The following RGS10 variants were observed in gnomAD, a reference collection of about 807,000 sequenced individuals.
RGS10 encodes regulator of G protein signaling 10.
Under a neutral mutation model 23.5 loss-of-function variants are expected in RGS10, and 11 were observed. The observed-to-expected ratio is 0.47, with a 90% CI of 0.29 to 0.77. The LOEUF (loss-of-function observed/expected upper bound fraction) is 0.77. RGS10 is among the 30% of genes least tolerant of loss of function. RGS10 has a pLI of 0.08. For synonymous variants in RGS10, 77 were observed against 83.2 expected (o/e 0.92, Z 0.41); for missense variants, 180 against 226.3 (o/e 0.80, Z 1.31).
In RGS10 at chr10:119,542,683, G is replaced by T. The variant is rs1214491415; in HGVS notation, c.-45C>A. ...GGAAGAAGGAGCAGCCCGGCGGCGC[G>T]GCGGCTGAGCCGGAGGAAGGCGAGG... On this transcript the variant is annotated 5_prime_UTR_variant, in exon 1 of 5. Coordinates refer to ENST00000369103, the MANE Select transcript of RGS10 (RefSeq NM_001005339.2). 9.0e-6 allele frequency: 12 copies of T among 1,331,904 alleles called. No individual in the cohort carries two copies. The allele number at this position is 1,331,904 out of a possible 1,614,324, so 82.5% of individuals were successfully genotyped here.
intron 1 of RGS10, among the ~76,000 whole-genome samples, chr10:119,529,671 A>G (rs578143009): frequency 3.3e-5 from 5 of 152,194 alleles, no homozygotes; most frequent in Non-Finnish European, 7.3e-5. Context: ...TCTCTAAAAT[A>G]ACCATCTATC....
chr10:119,518,744 G>A (rs1482587212), intron 3 of RGS10, among the ~76,000 whole-genome samples: 4 of 149,866 alleles, frequency 2.7e-5, no homozygotes, highest in African/African-American at 9.9e-5. Context: ...TCTCACTGTC[G>A]CCCAGGCTGG....
chr10:119,508,461 T>A (rs1232847435), intron 4 of RGS10, among the ~76,000 whole-genome samples: 2 of 152,246 alleles, frequency 1.3e-5, no homozygotes, highest in Non-Finnish European at 2.9e-5. Flanking sequence ...ATCAAGCTCA[T>A]GGCTGTTCCA....
At chr10:119,529,174 C>T (rs1030053199) in intron 1 of RGS10, among the ~76,000 whole-genome samples, 5 of 152,022 alleles carry the variant, frequency 3.3e-5, no homozygotes, top group Non-Finnish European at 5.9e-5. Context: ...AGTTTCTGGC[C>T]GGGCACGGTG....
intron 3 of RGS10, among the ~76,000 whole-genome samples, chr10:119,521,171 C>T (rs12219214): frequency 0.27 from 41,513 of 151,532 alleles, 5,783 homozygotes; most frequent in Middle Eastern, 0.34. Flanking sequence ...CCAGCCTAAG[C>T]AACATGGTGA....
At position 119,517,223 on chromosome 10, in the gene RGS10, T is replaced by G. The variant is rs144556792; in HGVS notation, c.256-1571A>C. Among the ~76,000 whole-genome samples the G allele has an allele frequency of 2.4e-3, 366 of 152,372 alleles. 2 individuals are homozygous for G. The highest frequency in any genetic ancestry group is 8.4e-3 in the African/African-American group (349 of 41,586). On this transcript the variant is annotated intron_variant, in intron 3 of 4. Transcript: ENST00000369103. This position sits in a 1 kb window ranked among gnomAD's most constrained non-coding sequence, Gnocchi z 5.0. ...CAAAAGATCCTGAGAAGCCACGGCC[T>G]GGCCATGTCCTGTTCTGCGAGAAAG...
intron 4 of RGS10, among the ~76,000 whole-genome samples, chr10:119,511,492 G>A (rs1227657642): frequency 6.6e-6 from 1 of 152,062 alleles, no homozygotes; most frequent in East Asian, 1.9e-4. Flanking sequence ...GGTGACATAC[G>A]CCTGTAATCC....
chr10:119,504,276 G>A (rs746520365), intron 4 of RGS10, among the ~76,000 whole-genome samples: 2 of 152,158 alleles, frequency 1.3e-5, no homozygotes, highest in Non-Finnish European at 2.9e-5. Context: ...TGCAAACTCC[G>A]CCTCCTGGGT....
chr10:119,532,104 T>C (rs1844334516), intron 1 of RGS10, among the ~76,000 whole-genome samples: 2 of 152,194 alleles, frequency 1.3e-5, no homozygotes, highest in Admixed American at 1.3e-4. Context: ...CTATCTGTCA[T>C]AAGTTTTTAT....
At chr10:119,502,328 A>G (rs1311505939) in intron 4 of RGS10, among the ~76,000 whole-genome samples, 1 of 152,116 alleles carries the variant, frequency 6.6e-6, no homozygotes, top group African/African-American at 2.4e-5. Flanking sequence ...CACCTAGTTC[A>G]AAGTCTGCAA....
intron 4 of RGS10, among the ~76,000 whole-genome samples, chr10:119,505,706 A>G (rs1274247815): frequency 2.0e-5 from 3 of 152,192 alleles, no homozygotes; most frequent in Admixed American, 2.0e-4. Flanking sequence ...ACGCATACTC[A>G]TCTGTGCAGA....
chr10:119,528,942 G>A (rs1411863513), intron 1 of RGS10, among the ~76,000 whole-genome samples: 7 of 152,186 alleles, frequency 4.6e-5, no homozygotes, highest in Non-Finnish European at 8.8e-5. Flanking sequence ...GAAAATGGAT[G>A]AAAACTCTTT....
At chr10:119,523,121 A>G (rs1844238089) in intron 3 of RGS10, among the ~76,000 whole-genome samples, 1 of 151,348 alleles carries the variant, frequency 6.6e-6, no homozygotes, top group Non-Finnish European at 1.5e-5. Context: ...CCAAAGTGTT[A>G]TAATTGCAGG....
In RGS10 at chr10:119,500,349, G is replaced by A. The variant is rs1843938237; in HGVS notation, c.400-90C>T. 7 of 1,191,854 alleles carry A rather than the reference G, an allele frequency of 5.9e-6. No individual in the cohort carries two copies. The South Asian group carries it at 6.6e-5, about 11-fold the overall frequency. 73.8% of individuals were successfully genotyped at this position (1,191,854 alleles called of 1,614,324 possible). ...AGATATGTATTAATACCTACCATGT[G>A]CCAAAGAATACTAACATGTGCAAAG... On this transcript the variant is annotated intron_variant, in intron 4 of 4. Coordinates refer to ENST00000369103, the MANE Select transcript of RGS10 (RefSeq NM_001005339.2).
At chr10:119,539,619 T>C (rs928550271) in intron 1 of RGS10, among the ~76,000 whole-genome samples, 9 of 152,252 alleles carry the variant, frequency 5.9e-5, no homozygotes, top group Non-Finnish European at 2.9e-5. Context: ...TCCCCAACAC[T>C]GAATCAGTCT....
chr10:119,518,346 G>A (rs1006642515), intron 3 of RGS10, among the ~76,000 whole-genome samples: 2 of 152,098 alleles, frequency 1.3e-5, no homozygotes, highest in South Asian at 4.1e-4. Flanking sequence ...CCATCAACTC[G>A]GGGACTGCCC....
intron 4 of RGS10, among the ~76,000 whole-genome samples, chr10:119,506,490 C>G (rs1442001999): frequency 1.3e-5 from 2 of 152,252 alleles, no homozygotes; most frequent in African/African-American, 4.8e-5. Flanking sequence ...TATCCCCTCC[C>G]AAGCTCACGG....
At chr10:119,518,474 C>T (rs1391421885) in intron 3 of RGS10, among the ~76,000 whole-genome samples, 4 of 152,214 alleles carry the variant, frequency 2.6e-5, no homozygotes, top group Non-Finnish European at 5.9e-5. Context: ...AGCTCTCGAA[C>T]CCGGCTCCCT....
intron 3 of RGS10, 37 bp from the exon 4 acceptor site, chr10:119,515,689 ACACAGCCTTCC>A: frequency 1.2e-6 from 2 of 1,611,808 alleles, no homozygotes. Context: ...CTATCTGCAC[ACACAGCCTTCC>A]CGGCCTGAGC....
Sources: allele counts gnomAD v4.1 joint callset (sites outside exome capture counted in the v4.1 genomes callset), GRCh38; gene constraint gnomAD v4.1.1; non-coding constraint Gnocchi (gnomAD v3.1); transcripts MANE v1.5; gene names NCBI Gene and HGNC (gene_info 2026-07-23, HGNC 2026-07-21).